CNTNAP2: variants seen among roughly 807,000 people sequenced by gnomAD.
CNTNAP2 encodes the protein contactin associated protein 2, also known as contactin-associated protein-like 2.
Under a neutral mutation model 155.2 loss-of-function variants are expected in CNTNAP2, and 98 were observed. The observed-to-expected ratio is 0.63, with a 90% CI of 0.54 to 0.75. The LOEUF (loss-of-function observed/expected upper bound fraction) is 0.75, where lower values mean the gene tolerates loss of function less well. Ranked by LOEUF, CNTNAP2 falls within the 30% of genes least tolerant of loss-of-function variation. The pLI is 0.00. For missense variants in CNTNAP2, 1,727 were observed against 1,688.1 expected, an observed-to-expected ratio of 1.02 and a Z score of -0.40; for synonymous variants, 651 against 631.2, an observed-to-expected ratio of 1.03 and a Z score of -0.47.
rs549306241 is a variant in CNTNAP2 at position 147,977,785 on chromosome 7, A to G, written c.2256-77A>G. 89 of 1,588,122 alleles carry G rather than the reference A, an allele frequency of 5.6e-5. No individual in the cohort carries two copies. In the South Asian group the frequency reaches 8.2e-4, roughly 15 times the overall value. ...GATTACTGAAATGTCATCATTAGACAACGTAAGCAACTAGCAGAAAATTCA... is the reference window on the plus strand; with the variant it reads ...GATTACTGAAATGTCATCATTAGACGACGTAAGCAACTAGCAGAAAATTCA... On this transcript the variant is annotated intron_variant, in intron 14 of 23. Coordinates refer to ENST00000361727, the MANE Select transcript of CNTNAP2 (RefSeq NM_014141.6).
At chr7:146,340,272 T>C (rs1801357602) in intron 1 of CNTNAP2, among the ~76,000 whole-genome samples, 1 of 145,712 alleles carries the variant, frequency 6.9e-6, no homozygotes, top group Non-Finnish European at 1.5e-5. Flanking sequence ...CTTTTTTTGT[T>C]TGTTGTTGTT....
At chr7:147,158,622 A>G (rs745424137) in intron 8 of CNTNAP2, among the ~76,000 whole-genome samples, 1 of 152,112 alleles carries the variant, frequency 6.6e-6, no homozygotes, top group African/African-American at 2.4e-5. Flanking sequence ...CACATCTGAA[A>G]AATAAATGTA....
chr7:147,958,874 A>G (rs1031013262), intron 14 of CNTNAP2, among the ~76,000 whole-genome samples: 2 of 152,102 alleles, frequency 1.3e-5, no homozygotes, highest in Admixed American at 1.3e-4. Flanking sequence ...ACCTGGCACT[A>G]TTGCTAAATA....
At chr7:147,490,602 G>T (rs568507830) in intron 11 of CNTNAP2, among the ~76,000 whole-genome samples, 1 of 152,134 alleles carries the variant, frequency 6.6e-6, no homozygotes, top group Admixed American at 6.6e-5. Context: ...TTATTGGCAC[G>T]AAGAAACTTG....
At chr7:147,399,144 G>C (rs2116462483) in intron 10 of CNTNAP2, among the ~76,000 whole-genome samples, 1 of 152,262 alleles carries the variant, frequency 6.6e-6, no homozygotes, top group Middle Eastern at 3.4e-3. Context: ...ATGGTGGCAA[G>C]TTTCGGGAGG....
At chr7:146,683,374 G>A (rs1800539328) in intron 1 of CNTNAP2, among the ~76,000 whole-genome samples, 1 of 152,068 alleles carries the variant, frequency 6.6e-6, no homozygotes, top group Admixed American at 6.5e-5. Context: ...GCGGGGAGTG[G>A]GAATCCTTGT....
At chr7:148,159,155 G>A (rs1805463439) in intron 17 of CNTNAP2, among the ~76,000 whole-genome samples, 1 of 152,096 alleles carries the variant, frequency 6.6e-6, no homozygotes, top group Non-Finnish European at 1.5e-5. Context: ...TGATGTGCAG[G>A]ATATTGCGTG....
intron 15 of CNTNAP2, among the ~76,000 whole-genome samples, chr7:148,068,459 G>C (rs1283215256): frequency 6.6e-6 from 1 of 152,216 alleles, no homozygotes; most frequent in Admixed American, 6.5e-5. Flanking sequence ...ATGTTCCCCA[G>C]TGAGGGTATG....
chr7:147,432,289 A>C (rs1251115323), intron 10 of CNTNAP2, among the ~76,000 whole-genome samples: 2 of 152,130 alleles, frequency 1.3e-5, no homozygotes, highest in Non-Finnish European at 2.9e-5. Context: ...GTGACAAGCA[A>C]ATTGTGTCCA....
rs537070467 is a variant in CNTNAP2 at position 148,193,683 on chromosome 7, CCA to C, written c.3010+21211_3010+21212del. ...CATGCTGTTCTCTGGCTTGGGTATT[CCA>C]CACACTCCATGGTCCAGCCCACACT... On this transcript the variant is annotated intron_variant, in intron 18 of 23. Coordinates refer to ENST00000361727, the MANE Select transcript of CNTNAP2 (RefSeq NM_014141.6). Among the ~76,000 whole-genome samples, 650 of 152,168 alleles carry C rather than the reference CCA, an allele frequency of 4.3e-3. 3 individuals are homozygous for C. The highest frequency in any genetic ancestry group is 0.015 in the African/African-American group (614 of 41,510).
intron 4 of CNTNAP2, among the ~76,000 whole-genome samples, chr7:147,107,580 A>G (rs1800792182): frequency 6.6e-6 from 1 of 152,144 alleles, no homozygotes; most frequent in African/African-American, 2.4e-5. Context: ...AATAAATGGT[A>G]AGAAGTTTCT....
intron 4 of CNTNAP2, among the ~76,000 whole-genome samples, chr7:147,099,146 T>A (rs1800605907): frequency 6.6e-6 from 1 of 151,982 alleles, no homozygotes; most frequent in South Asian, 2.1e-4. Flanking sequence ...ATTATTCCAG[T>A]GAGTTCTGGG....
In CNTNAP2 at chr7:147,886,809, T is replaced by C. The variant is rs369554431; in HGVS notation, c.2099-16756T>C. Among the ~76,000 whole-genome samples, 37 of 152,278 alleles carry C rather than the reference T, an allele frequency of 2.4e-4. No homozygotes were observed. The East Asian group carries it at 6.6e-3, about 27-fold the overall frequency. On this transcript the variant is annotated intron_variant, in intron 13 of 23. Transcript: ENST00000361727. ...CTATAAAATTAAACTGAAAAAGTGT[T>C]CATTTCCCCCAAAATTAACACTCTC...
At chr7:146,286,633 CA>C (rs1172995866) in intron 1 of CNTNAP2, among the ~76,000 whole-genome samples, 3 of 152,174 alleles carry the variant, frequency 2.0e-5, no homozygotes, top group Non-Finnish European at 4.4e-5. Context: ...ATTCCTGAGA[CA>C]ACAGCCCAAA....
chr7:148,210,554 A>G (rs1431212848), intron 18 of CNTNAP2, among the ~76,000 whole-genome samples: 1 of 152,200 alleles, frequency 6.6e-6, no homozygotes, highest in Admixed American at 6.5e-5. Context: ...ACAGTAATAT[A>G]CTTCACACTT....
At chr7:147,365,731 T>C (rs771924963) in intron 9 of CNTNAP2, among the ~76,000 whole-genome samples, 2 of 152,196 alleles carry the variant, frequency 1.3e-5, no homozygotes, top group African/African-American at 4.8e-5. Context: ...TACAAAGTTA[T>C]ATTTCCTATT....
chr7:147,462,405 T>G (rs544844481), intron 10 of CNTNAP2, among the ~76,000 whole-genome samples: 42 of 152,346 alleles, frequency 2.8e-4, no homozygotes, highest in African/African-American at 9.4e-4. Context: ...ACTAGTGGTT[T>G]CTTCAATAGA....
At chr7:148,061,328 AT>A (rs1338891453) in intron 15 of CNTNAP2, among the ~76,000 whole-genome samples, 1 of 152,154 alleles carries the variant, frequency 6.6e-6, no homozygotes, top group Non-Finnish European at 1.5e-5. Context: ...GTAAGATAGA[AT>A]TCCAAAGTGC....
chr7:147,501,388 T>C (rs1392079892), intron 11 of CNTNAP2, among the ~76,000 whole-genome samples: 2 of 152,052 alleles, frequency 1.3e-5, no homozygotes, highest in East Asian at 1.9e-4. Flanking sequence ...AGCAGAGCAA[T>C]TGGGTAAGAA....
Sources: allele counts gnomAD v4.1 joint callset (sites outside exome capture counted in the v4.1 genomes callset), GRCh38; gene constraint gnomAD v4.1.1; transcripts MANE v1.5; gene names NCBI Gene and HGNC (gene_info 2026-07-23, HGNC 2026-07-21).